Variants in PPP3CC observed in about 807,000 individuals in gnomAD.
The protein encoded by PPP3CC is protein phosphatase 3 catalytic subunit gamma, also known as serine/threonine-protein phosphatase 2B catalytic subunit gamma isoform.
PPP3CC carries 35 observed loss-of-function variants against 60.3 expected under a neutral mutation model. The observed-to-expected ratio is 0.58, with a 90% CI of 0.44 to 0.77. The LOEUF is 0.77. Ranked by LOEUF, PPP3CC falls within the 30% of genes least tolerant of loss-of-function variation. The pLI is 0.00. For synonymous variants in PPP3CC, 206 were observed against 224.3 expected (o/e 0.92, Z 0.73); for missense variants, 570 against 628.9 (o/e 0.91, Z 1.00).
chr8:22,462,232 G>A (rs548571409), intron 1 of PPP3CC, among the ~76,000 whole-genome samples: 3 of 152,162 alleles, frequency 2.0e-5, no homozygotes, highest in African/African-American at 7.2e-5. Flanking sequence ...GACAGAGGGA[G>A]ACCCTCTCTC....
intron 6 of PPP3CC, among the ~76,000 whole-genome samples, chr8:22,514,771 C>T (rs1839197099): frequency 6.6e-6 from 1 of 150,660 alleles, no homozygotes; most frequent in Non-Finnish European, 1.5e-5. Context: ...TCCTCCACTT[C>T]CCAGGTTCAA....
intron 3 of PPP3CC, among the ~76,000 whole-genome samples, chr8:22,479,743 C>CAAAA: frequency 1.8e-5 from 1 of 54,230 alleles, no homozygotes; most frequent in Admixed American, 2.1e-4. Flanking sequence ...GACTCTGTCT[C>CAAAA]AAAAAAAAAA....
At position 22,506,265 on chromosome 8, in the gene PPP3CC, T is replaced by C. The variant is rs1166089293; in HGVS notation, c.485-4821T>C. Among the ~76,000 whole-genome samples the C allele has an allele frequency of 3.4e-5, 4 of 116,062 alleles. No homozygotes were observed. In the East Asian group the frequency reaches 1.3e-3, roughly 37 times the overall value. 76.1% of individuals were successfully genotyped at this position (116,062 alleles called of 152,430 possible). A position where few individuals can be genotyped will look rare whatever the true frequency, so the allele number is the denominator to read the frequency against. ...ATCCTGGGCATGTAACAAGACCCCA[T>C]TTCAAAAAAAAAGAAGAAACAGCAT... On this transcript the variant is annotated intron_variant, in intron 4 of 13. Coordinates refer to ENST00000240139, the MANE Select transcript of PPP3CC (RefSeq NM_005605.5).
At chr8:22,499,685 G>A (rs1467264989) in intron 4 of PPP3CC, among the ~76,000 whole-genome samples, 8 of 152,218 alleles carry the variant, frequency 5.3e-5, no homozygotes, top group Non-Finnish European at 1.0e-4. Context: ...TGTTGGGGAT[G>A]TTTGGGAGAT....
At chr8:22,492,967 C>T (rs1838452480) in intron 3 of PPP3CC, 2 of 1,262,664 alleles carry the variant, frequency 1.6e-6, no homozygotes, top group Admixed American at 1.7e-5. Flanking sequence ...AGGAGACTGG[C>T]TGAAGCTCTG....
At chr8:22,533,066 AC>A in intron 12 of PPP3CC, 48 bp downstream of exon 12, 1 of 1,361,536 alleles carries the variant, frequency 7.3e-7, no homozygotes, top group Non-Finnish European at 1.0e-6. Context: ...CCGTTACCTA[AC>A]AGTCAGCACA....
At chr8:22,481,582 T>C (rs982634745) in intron 3 of PPP3CC, among the ~76,000 whole-genome samples, 1 of 151,642 alleles carries the variant, frequency 6.6e-6, no homozygotes, top group Middle Eastern at 3.2e-3. Context: ...CTGGTATACA[T>C]GTACAGAACA....
intron 12 of PPP3CC, among the ~76,000 whole-genome samples, chr8:22,536,344 A>AG (rs1171794551): frequency 6.6e-6 from 1 of 152,250 alleles, no homozygotes; most frequent in African/African-American, 2.4e-5. Context: ...ATGAGTTAAG[A>AG]GAAAAAAAGG....
intron 3 of PPP3CC, among the ~76,000 whole-genome samples, chr8:22,482,814 G>C (rs1253347076): frequency 6.6e-6 from 1 of 152,120 alleles, no homozygotes; most frequent in Non-Finnish European, 1.5e-5. Context: ...TTTCAATTCA[G>C]CTACGTCAAG....
intron 3 of PPP3CC, 142 bp downstream of exon 3, chr8:22,475,766 TG>T (rs1388478510): frequency 1.2e-6 from 1 of 822,358 alleles, no homozygotes; most frequent in Non-Finnish European, 1.8e-6. Context: ...GTAGTAGAAA[TG>T]TTTTAATTGA....
intron 4 of PPP3CC, among the ~76,000 whole-genome samples, chr8:22,498,677 A>G (rs1261402725): frequency 2.0e-5 from 3 of 152,210 alleles, no homozygotes; most frequent in Admixed American, 6.5e-5. Context: ...ATTTTTGACA[A>G]CATGGTTTGT....
At chr8:22,464,992 T>A (rs1837475901) in intron 1 of PPP3CC, among the ~76,000 whole-genome samples, 1 of 151,456 alleles carries the variant, frequency 6.6e-6, no homozygotes, top group Admixed American at 6.6e-5. Flanking sequence ...TTTTTTTTTT[T>A]TGTCACCTAG....
Position 22,528,500 on chromosome 8 carries a change from A to G in PPP3CC, c.1070-6A>G. On this transcript the variant is annotated splice_polypyrimidine_tract_variant and splice_region_variant and intron_variant, in intron 9 of 13. Transcript: ENST00000240139. ...CGTAAATTTTGGATTATTTTGTCTTACTTAGTCACAGAGATGCTGGTAAAT... is the reference window on the plus strand; with the variant it reads ...CGTAAATTTTGGATTATTTTGTCTTGCTTAGTCACAGAGATGCTGGTAAAT... The G allele has an allele frequency of 6.6e-7, 1 of 1,524,006 alleles. No homozygotes were observed. Among genetic ancestry groups the G allele is most frequent in the South Asian group, 1.4e-5 (1 of 72,168 alleles). 94.4% of individuals were successfully genotyped at this position (1,524,006 alleles called of 1,614,324 possible).
chr8:22,503,143 A>C (rs1054366203), intron 4 of PPP3CC, among the ~76,000 whole-genome samples: 2 of 152,214 alleles, frequency 1.3e-5, no homozygotes, highest in Non-Finnish European at 2.9e-5. Context: ...AGCATTTGAA[A>C]AGCTTTGTAA....
chr8:22,525,382 TTTC>T (rs1252804870), intron 8 of PPP3CC, among the ~76,000 whole-genome samples: 1 of 152,076 alleles, frequency 6.6e-6, no homozygotes, highest in South Asian at 2.1e-4. Context: ...TATTATTCTT[TTTC>T]TTCTTCCTTT....
intron 10 of PPP3CC, 136 bp from the exon 11 acceptor site, chr8:22,532,089 T>C (rs560214407): frequency 3.5e-6 from 2 of 570,992 alleles, no homozygotes; most frequent in East Asian, 6.3e-5. Context: ...TTTTTGTTTG[T>C]TTAAACAAAC....
intron 1 of PPP3CC, among the ~76,000 whole-genome samples, chr8:22,443,260 C>T (rs1175170158): frequency 6.6e-6 from 1 of 152,082 alleles, no homozygotes; most frequent in African/African-American, 2.4e-5. Flanking sequence ...TGGTGGCTCA[C>T]GCCTGTAACC....
At chr8:22,458,723 G>T (rs1011802650) in intron 1 of PPP3CC, among the ~76,000 whole-genome samples, 36 of 152,030 alleles carry the variant, frequency 2.4e-4, no homozygotes, top group African/African-American at 8.5e-4. Flanking sequence ...TTTAGTTATG[G>T]AATGTTTTGT....
intron 5 of PPP3CC, among the ~76,000 whole-genome samples, chr8:22,512,963 CT>C (rs1412800226): frequency 2.0e-5 from 3 of 151,840 alleles, no homozygotes; most frequent in Admixed American, 6.6e-5. Context: ...GTAATCCCAG[CT>C]ACTAGGGAGG....
Sources: gnomAD v4.1 joint callset for allele counts (sites outside exome capture counted in the v4.1 genomes callset) on GRCh38, gnomAD v4.1.1 for gene constraint, MANE v1.5 for transcripts, NCBI Gene and HGNC (gene_info 2026-07-23, HGNC 2026-07-21) for gene names.